The following HIVEP3 variants were observed in gnomAD, a reference collection of about 807,000 sequenced individuals.
The protein encoded by HIVEP3 is HIVEP zinc finger 3, also known as transcription factor HIVEP3.
HIVEP3 carries 49 observed loss-of-function variants against 152.8 expected under a neutral mutation model. The ratio of observed to expected loss-of-function variants is 0.32; its 90% confidence interval spans 0.26 to 0.41. The LOEUF (loss-of-function observed/expected upper bound fraction) is 0.41, where lower values mean the gene tolerates loss of function less well. Among genes scored for constraint, HIVEP3 ranks in the 10% least tolerant of loss-of-function variants. The pLI, the probability that HIVEP3 is intolerant of heterozygous loss-of-function variation, is 1.00. For missense variants in HIVEP3, 2,790 were observed against 3,103.3 expected, an observed-to-expected ratio of 0.90 and a Z score of 2.40; for synonymous variants, 1,269 against 1,289.0, an observed-to-expected ratio of 0.98 and a Z score of 0.33.
chr1:41,598,515 T>C (rs1160455851), intron 3 of HIVEP3, among the ~76,000 whole-genome samples: 2 of 152,240 alleles, frequency 1.3e-5, no homozygotes, highest in Non-Finnish European at 2.9e-5. Context: ...TGCCTGTGGC[T>C]TCTGTCATTC....
chr1:41,954,314 T>A (rs566959901), intron 1 of HIVEP3, among the ~76,000 whole-genome samples: 2 of 152,352 alleles, frequency 1.3e-5, no homozygotes, highest in South Asian at 4.1e-4. Flanking sequence ...CAAGAACTCA[T>A]TAGTACTTTC....
chr1:42,019,381 T>G (rs1645541143), intron 1 of HIVEP3, among the ~76,000 whole-genome samples: 2 of 152,028 alleles, frequency 1.3e-5, no homozygotes. Flanking sequence ...ACATGGTATA[T>G]CTTTCCATCT....
chr1:41,772,169 T>C (rs1408478041), intron 1 of HIVEP3, among the ~76,000 whole-genome samples: 5 of 152,212 alleles, frequency 3.3e-5, no homozygotes, highest in Admixed American at 3.3e-4. Context: ...ATTCACTCTT[T>C]GCACCAGGAT....
At chr1:41,563,500 A>G (rs2149090980) in intron 5 of HIVEP3, among the ~76,000 whole-genome samples, 1 of 152,210 alleles carries the variant, frequency 6.6e-6, no homozygotes, top group Middle Eastern at 3.4e-3. Context: ...TTTAACCAAG[A>G]GGGAGACTGA....
chr1:41,613,265 G>T (rs1022066245), intron 3 of HIVEP3, among the ~76,000 whole-genome samples: 3 of 152,262 alleles, frequency 2.0e-5, no homozygotes, highest in Admixed American at 1.3e-4. Flanking sequence ...TTCCAGCCCA[G>T]GCCACTCACA....
chr1:41,563,604 G>A (rs1043982214), intron 5 of HIVEP3, among the ~76,000 whole-genome samples: 2 of 152,052 alleles, frequency 1.3e-5, no homozygotes, highest in African/African-American at 2.4e-5. Flanking sequence ...TGGGGAACTC[G>A]CCGTCAAAGA....
chr1:41,586,657 A>C (rs1022475910), intron 3 of HIVEP3, among the ~76,000 whole-genome samples: 2 of 152,098 alleles, frequency 1.3e-5, no homozygotes, highest in African/African-American at 4.8e-5. Context: ...ACATTTTTGC[A>C]GGTGCTCAGA....
At chr1:41,646,341 C>T (rs1309513511) in intron 2 of HIVEP3, among the ~76,000 whole-genome samples, 1 of 152,224 alleles carries the variant, frequency 6.6e-6, no homozygotes, top group South Asian at 2.1e-4. Context: ...CAGATCCAGA[C>T]CCTTCAGCAT....
At chr1:42,023,001 A>G (rs1447948584) in intron 1 of HIVEP3, among the ~76,000 whole-genome samples, 1 of 152,106 alleles carries the variant, frequency 6.6e-6, no homozygotes, top group East Asian at 1.9e-4. Flanking sequence ...TTTCTATTTT[A>G]GTGTAATAAA....
chr1:41,557,637 A>C (rs766209106), intron 5 of HIVEP3, among the ~76,000 whole-genome samples: 14 of 149,210 alleles, frequency 9.4e-5, no homozygotes, highest in Non-Finnish European at 2.1e-4. Context: ...TGGGCAGGGA[A>C]CCCAACCTGT....
chr1:41,544,399 G>C (rs527607939), intron 5 of HIVEP3: 2 of 152,016 alleles, frequency 1.3e-5, no homozygotes, highest in Admixed American at 1.3e-4. Flanking sequence ...CCAGTGGGCA[G>C]GAAAAGAAGG....
chr1:42,015,516 C>T lies in HIVEP3; in HGVS notation n.119+20291G>A, dbSNP rs558736022. ...CTGCCTCCTAAGGAACCACGGACATCTGCCTTTCCTCCTTCCCTCCAGCTC... is the reference window on the plus strand; with the variant it reads ...CTGCCTCCTAAGGAACCACGGACATTTGCCTTTCCTCCTTCCCTCCAGCTC... On this transcript the variant is annotated intron_variant and non_coding_transcript_variant, in intron 1 of 3. Coordinates refer to the HIVEP3 transcript ENST00000489103. Among the ~76,000 whole-genome samples the T allele has an allele frequency of 4.6e-5, 7 of 152,358 alleles. No homozygotes were observed. The East Asian group carries it at 1.4e-3, about 29-fold the overall frequency.
chr1:41,982,475 AT>A (rs1365889023), intron 1 of HIVEP3, among the ~76,000 whole-genome samples: 2 of 152,182 alleles, frequency 1.3e-5, no homozygotes, highest in African/African-American at 4.8e-5. Flanking sequence ...TGGAGAATAA[AT>A]CTGATAAATC....
At chr1:41,824,784 TAGAGAGAGAG>T (rs397979993) in intron 1 of HIVEP3, among the ~76,000 whole-genome samples, 1 of 11,394 alleles carries the variant, frequency 8.8e-5, no homozygotes, top group Non-Finnish European at 1.6e-4. Flanking sequence ...TATATATATA[TAGAGAGAGAG>T]AGAGAGAGAG....
At chr1:41,558,521 T>A (rs1424959451) in intron 5 of HIVEP3, among the ~76,000 whole-genome samples, 1 of 152,164 alleles carries the variant, frequency 6.6e-6, no homozygotes, top group Non-Finnish European at 1.5e-5. Context: ...GGAGCTTGAC[T>A]CCTCCTCTTT....
intron 1 of HIVEP3, among the ~76,000 whole-genome samples, chr1:41,901,645 A>C (rs1172410598): frequency 6.6e-6 from 1 of 152,094 alleles, no homozygotes; most frequent in African/African-American, 2.4e-5. Context: ...AAGAAAGACA[A>C]AGTTAGGACA....
In HIVEP3 at chr1:41,689,404, A is replaced by T. The variant is rs146065869; in HGVS notation, c.-721+11512T>A. 5.0e-3 allele frequency among the ~76,000 whole-genome samples: 759 copies of T among 152,318 alleles called. 9 individuals are homozygous for T. Among genetic ancestry groups the T allele is most frequent in the African/African-American group, 0.017 (726 of 41,572 alleles). On this transcript the variant is annotated intron_variant, in intron 2 of 8. Coordinates refer to ENST00000372583, the MANE Select transcript of HIVEP3 (RefSeq NM_024503.5). ...GTGTTTGGAGGTTGTGCCTCAAGTTACGGCTGCCCTGGTGAGTCTGTGCTT... is the reference window on the plus strand; with the variant it reads ...GTGTTTGGAGGTTGTGCCTCAAGTTTCGGCTGCCCTGGTGAGTCTGTGCTT...
At chr1:41,757,303 G>A (rs1237722568) in intron 1 of HIVEP3, among the ~76,000 whole-genome samples, 1 of 151,868 alleles carries the variant, frequency 6.6e-6, no homozygotes, top group Non-Finnish European at 1.5e-5. Flanking sequence ...ATTTTTAGTA[G>A]AGACGGAGTT....
intron 3 of HIVEP3, among the ~76,000 whole-genome samples, chr1:41,596,004 T>C (rs1245364979): frequency 6.6e-6 from 1 of 152,134 alleles, no homozygotes; most frequent in Non-Finnish European, 1.5e-5. Context: ...CCCTGACTAA[T>C]ACAAGGTTCA....
Sources: allele counts gnomAD v4.1 joint callset (sites outside exome capture counted in the v4.1 genomes callset), GRCh38; gene constraint gnomAD v4.1.1; transcripts MANE v1.5; gene names NCBI Gene and HGNC (gene_info 2026-07-23, HGNC 2026-07-21).